KAZN: variants seen among roughly 807,000 people sequenced by gnomAD.
KAZN encodes the protein kazrin, periplakin interacting protein.
In KAZN, 40 loss-of-function variants were observed where a neutral mutation model predicts 87.4. The ratio of observed to expected loss-of-function variants is 0.46; its 90% confidence interval spans 0.36 to 0.60. KAZN has a LOEUF of 0.60. Ranked by LOEUF, KAZN falls within the 20% of genes least tolerant of loss-of-function variation. The pLI, the probability that KAZN is intolerant of heterozygous loss-of-function variation, is 0.00. For synonymous variants in KAZN, 466 were observed against 458.3 expected (o/e 1.02, Z -0.22); for missense variants, 898 against 1,073.9 (o/e 0.84, Z 2.29).
Position 14,147,794 on chromosome 1 carries a change from C to CAA in KAZN, c.92-32630_92-32629dup, listed in dbSNP as rs575263344. Reference sequence around the variant, plus strand: ...CTGGCGACAGAGCAAGACTCCATCTCAAAAAAAAAAAACAACAAAAAAACT... The same window carrying CAA: ...CTGGCGACAGAGCAAGACTCCATCTCAAAAAAAAAAAAAACAACAAAAAAACT... On this transcript the variant is annotated intron_variant, in intron 1 of 16. Transcript: ENST00000636203. Among the ~76,000 whole-genome samples, 450 of 136,908 alleles carry CAA rather than the reference C, an allele frequency of 3.3e-3. 3 individuals carry two copies. The highest frequency in any genetic ancestry group is 0.011 in the African/African-American group (402 of 37,712). 89.8% of individuals were successfully genotyped at this position (136,908 alleles called of 152,430 possible).
intron 2 of KAZN, among the ~76,000 whole-genome samples, chr1:14,591,624 A>T (rs1294251587): frequency 6.6e-6 from 1 of 152,210 alleles, no homozygotes; most frequent in Non-Finnish European, 1.5e-5. Flanking sequence ...ACTGTTTGCA[A>T]ATGAAAAATC....
chr1:14,688,729 A>C (rs1245720369), intron 1 of KAZN, among the ~76,000 whole-genome samples: 2 of 152,278 alleles, frequency 1.3e-5, no homozygotes, highest in Non-Finnish European at 2.9e-5. Flanking sequence ...GAACCTTGCC[A>C]AGGACACTGA....
intron 1 of KAZN, among the ~76,000 whole-genome samples, chr1:14,619,627 T>A (rs960196004): frequency 1.3e-5 from 2 of 152,206 alleles, no homozygotes; most frequent in Non-Finnish European, 2.9e-5. Flanking sequence ...CGTGCCACTA[T>A]CTAGTTCCAG....
At chr1:14,102,401 A>G (rs1269290093) in intron 1 of KAZN, among the ~76,000 whole-genome samples, 1 of 151,788 alleles carries the variant, frequency 6.6e-6, no homozygotes, top group Non-Finnish European at 1.5e-5. Context: ...TCCTCCATCC[A>G]ATGGCCATGG....
chr1:14,487,227 A>G (rs966593262), intron 2 of KAZN, among the ~76,000 whole-genome samples: 1 of 152,200 alleles, frequency 6.6e-6, no homozygotes, highest in Non-Finnish European at 1.5e-5. Context: ...TTTTGGGGAC[A>G]CCATAGGGAA....
chr1:14,326,304 T>C (rs1262957543), intron 2 of KAZN, among the ~76,000 whole-genome samples: 1 of 152,204 alleles, frequency 6.6e-6, no homozygotes, highest in East Asian at 1.9e-4. Flanking sequence ...TTGTTGTGTC[T>C]GTTCCTTTCC....
At chr1:14,126,811 G>T (rs546613456) in intron 1 of KAZN, among the ~76,000 whole-genome samples, 1 of 152,058 alleles carries the variant, frequency 6.6e-6, no homozygotes, top group African/African-American at 2.4e-5. Flanking sequence ...AATCTTAAAA[G>T]TCTCCCACCA....
intron 1 of KAZN, among the ~76,000 whole-genome samples, chr1:14,740,257 C>T (rs764203496): frequency 2.0e-5 from 3 of 152,128 alleles, no homozygotes; most frequent in African/African-American, 4.8e-5. Context: ...CCGTGCTGTG[C>T]GGGGAGCTGC....
intron 2 of KAZN, among the ~76,000 whole-genome samples, chr1:14,520,674 A>G (rs1336759123): frequency 6.6e-6 from 1 of 152,136 alleles, no homozygotes; most frequent in African/African-American, 2.4e-5. Context: ...GGAAGCAGCC[A>G]CCTCTGGGAA....
At chr1:14,049,989 C>G (rs539788715) in intron 1 of KAZN, among the ~76,000 whole-genome samples, 4 of 152,280 alleles carry the variant, frequency 2.6e-5, no homozygotes, top group African/African-American at 9.6e-5. Flanking sequence ...GTTAGCTAAG[C>G]AGAGGGAAAG....
intron 2 of KAZN, among the ~76,000 whole-genome samples, chr1:14,253,394 A>T (rs1650226420): frequency 6.6e-6 from 1 of 152,238 alleles, no homozygotes; most frequent in Non-Finnish European, 1.5e-5. Flanking sequence ...AAGCACAGTG[A>T]AGTGTTCATC....
At chr1:14,188,855 G>A (rs910426279) in intron 2 of KAZN, among the ~76,000 whole-genome samples, 3 of 151,898 alleles carry the variant, frequency 2.0e-5, no homozygotes, top group Admixed American at 6.6e-5. Flanking sequence ...TTTCTTATCC[G>A]TTATTTAGTA....
chr1:14,052,078 A>T (rs1328629244), intron 1 of KAZN, among the ~76,000 whole-genome samples: 3 of 152,100 alleles, frequency 2.0e-5, no homozygotes, highest in African/African-American at 2.4e-5. Flanking sequence ...TCCCTGCTGG[A>T]GAATACGCTC....
chr1:14,581,475 C>T (rs1571979301), intron 2 of KAZN, among the ~76,000 whole-genome samples: 1 of 152,324 alleles, frequency 6.6e-6, no homozygotes, highest in Non-Finnish European at 1.5e-5. Context: ...ATGGCAACAG[C>T]TGCCTACATG....
chr1:14,305,635 A>G (rs941875828), intron 2 of KAZN, among the ~76,000 whole-genome samples: 5 of 152,060 alleles, frequency 3.3e-5, no homozygotes, highest in Non-Finnish European at 7.4e-5. Context: ...CTGGGGAATG[A>G]CATAAGGGAA....
At chr1:14,700,124 A>G (rs954171311) in intron 1 of KAZN, among the ~76,000 whole-genome samples, 1 of 152,174 alleles carries the variant, frequency 6.6e-6, no homozygotes, top group Non-Finnish European at 1.5e-5. Context: ...CATAGGAAGG[A>G]CTTATGGTCA....
At chr1:14,335,988 T>C (rs1166608334) in intron 2 of KAZN, among the ~76,000 whole-genome samples, 1 of 152,196 alleles carries the variant, frequency 6.6e-6, no homozygotes, top group Non-Finnish European at 1.5e-5. Context: ...TGAGAGACAC[T>C]GGGGTGTCCC....
chr1:14,795,529 T>C (rs1216993023), intron 1 of KAZN, among the ~76,000 whole-genome samples: 1 of 152,184 alleles, frequency 6.6e-6, no homozygotes, highest in Non-Finnish European at 1.5e-5. Context: ...CTCCCCTCCT[T>C]GCAGTCGTTT....
Position 14,427,445 on chromosome 1 carries a change from G to C in KAZN, c.250-171538G>C, listed in dbSNP as rs565633684. ...ATTATTGTAATTGTTTTTTGTAGAA[G>C]TTATCCTACCTCACTCAGCCTTTTG... On this transcript the variant is annotated intron_variant, in intron 2 of 16. Coordinates refer to the KAZN transcript ENST00000636203. Among the ~76,000 whole-genome samples the C allele has an allele frequency of 2.0e-5, 3 of 152,146 alleles. No homozygotes were observed. The East Asian group carries it at 5.8e-4, about 29-fold the overall frequency.
Sources: allele counts gnomAD v4.1 joint callset (sites outside exome capture counted in the v4.1 genomes callset), GRCh38; gene constraint gnomAD v4.1.1; transcripts MANE v1.5; gene names NCBI Gene and HGNC (gene_info 2026-07-23, HGNC 2026-07-21).